Variants in GRM7 observed in about 807,000 individuals in gnomAD.
The protein encoded by GRM7 is metabotropic glutamate receptor 7.
GRM7 carries 35 observed loss-of-function variants against 84.5 expected under a neutral mutation model. The observed-to-expected ratio is 0.41, with a 90% CI of 0.32 to 0.55. The LOEUF (loss-of-function observed/expected upper bound fraction) is 0.55. Ranked by LOEUF, GRM7 falls within the 20% of genes least tolerant of loss-of-function variation. The pLI, the probability that GRM7 is intolerant of heterozygous loss-of-function variation, is 0.19. For missense variants in GRM7, 1,003 were observed against 1,194.6 expected, an observed-to-expected ratio of 0.84 and a Z score of 2.36; for synonymous variants, 487 against 455.1, an observed-to-expected ratio of 1.07 and a Z score of -0.89.
chr3:7,344,303 T>C (rs1692788078), intron 4 of GRM7, among the ~76,000 whole-genome samples: 1 of 152,170 alleles, frequency 6.6e-6, no homozygotes, highest in African/African-American at 2.4e-5. Flanking sequence ...GTCCATGTGT[T>C]CTCATTGTTT....
At chr3:7,642,922 G>A (rs995369313) in intron 8 of GRM7, among the ~76,000 whole-genome samples, 1 of 152,038 alleles carries the variant, frequency 6.6e-6, no homozygotes, top group East Asian at 1.9e-4. Flanking sequence ...TTATCTACAA[G>A]CAGAGAACAC....
chr3:7,648,193 A>G (rs1373268048), intron 8 of GRM7, among the ~76,000 whole-genome samples: 1 of 151,396 alleles, frequency 6.6e-6, no homozygotes, highest in Non-Finnish European at 1.5e-5. Flanking sequence ...AGAAATGAGT[A>G]CCCCTTAACT....
At chr3:7,570,308 G>A (rs969280974) in intron 7 of GRM7, among the ~76,000 whole-genome samples, 12 of 152,046 alleles carry the variant, frequency 7.9e-5, no homozygotes, top group African/African-American at 1.9e-4. Flanking sequence ...ACAGTCCAGC[G>A]TCTCATCTGA....
chr3:7,414,350 T>G (rs1423154600), intron 4 of GRM7, among the ~76,000 whole-genome samples: 1 of 152,182 alleles, frequency 6.6e-6, no homozygotes, highest in African/African-American at 2.4e-5. Context: ...AGGTTAAGTA[T>G]GTACCTGCTC....
At chr3:6,917,817 T>C (rs1348199236) in intron 1 of GRM7, among the ~76,000 whole-genome samples, 1 of 152,178 alleles carries the variant, frequency 6.6e-6, no homozygotes, top group Non-Finnish European at 1.5e-5. Flanking sequence ...TTGAGGCTCA[T>C]ATCTATATTT....
At chr3:6,949,933 T>G (rs185733090) in intron 1 of GRM7, among the ~76,000 whole-genome samples, 125 of 152,332 alleles carry the variant, frequency 8.2e-4, no homozygotes, top group African/African-American at 3.0e-3. Flanking sequence ...TTCTCTGCAT[T>G]GGTTATTCTA....
At chr3:6,952,375 A>C (rs1196121423) in intron 1 of GRM7, among the ~76,000 whole-genome samples, 1 of 152,190 alleles carries the variant, frequency 6.6e-6, no homozygotes, top group Non-Finnish European at 1.5e-5. Context: ...GCATGCATGC[A>C]CCAAACAGCA....
At chr3:7,443,520 G>A (rs903822238) in intron 5 of GRM7, among the ~76,000 whole-genome samples, 3 of 151,240 alleles carry the variant, frequency 2.0e-5, no homozygotes, top group Non-Finnish European at 2.9e-5. Context: ...GTTTCCCTCC[G>A]TTCTTTTACT....
At chr3:7,487,113 T>C (rs1160158876) in intron 7 of GRM7, among the ~76,000 whole-genome samples, 1 of 152,166 alleles carries the variant, frequency 6.6e-6, no homozygotes, top group African/African-American at 2.4e-5. Context: ...GTCCTAGGGC[T>C]TTATGGAAGG....
At chr3:7,199,295 T>C (rs1695985047) in intron 2 of GRM7, among the ~76,000 whole-genome samples, 1 of 152,222 alleles carries the variant, frequency 6.6e-6, no homozygotes, top group Non-Finnish European at 1.5e-5. Flanking sequence ...AAGAGAGATC[T>C]GGATGACCAG....
At chr3:7,688,105 G>A (rs1426364675) in intron 9 of GRM7, among the ~76,000 whole-genome samples, 2 of 152,088 alleles carry the variant, frequency 1.3e-5, no homozygotes, top group African/African-American at 4.8e-5. Flanking sequence ...ATTTTCCTGG[G>A]TAAAAATGAT....
intron 7 of GRM7, among the ~76,000 whole-genome samples, chr3:7,568,937 G>T (rs893966040): frequency 1.3e-5 from 2 of 152,090 alleles, no homozygotes; most frequent in African/African-American, 4.8e-5. Context: ...CTGCTCCACC[G>T]GTGCCCTGTC....
At chr3:6,900,132 G>C (rs533750786) in intron 1 of GRM7, among the ~76,000 whole-genome samples, 21 of 152,324 alleles carry the variant, frequency 1.4e-4, no homozygotes, top group African/African-American at 4.8e-4. Context: ...TATGTTTAGA[G>C]ATGGCAATTT....
At chr3:7,516,679 T>C (rs1403394858) in intron 7 of GRM7, among the ~76,000 whole-genome samples, 1 of 151,892 alleles carries the variant, frequency 6.6e-6, no homozygotes, top group African/African-American at 2.4e-5. Flanking sequence ...TTGAATGGCA[T>C]CAAGCTATCA....
intron 2 of GRM7, among the ~76,000 whole-genome samples, chr3:7,148,125 G>A (rs151005691): frequency 1.2e-3 from 186 of 152,262 alleles, no homozygotes; most frequent in African/African-American, 4.2e-3. Context: ...CCTTGTGGCA[G>A]GCTGTGATTT....
chr3:6,955,578 C>T (rs1373013853), intron 1 of GRM7, among the ~76,000 whole-genome samples: 1 of 151,468 alleles, frequency 6.6e-6, no homozygotes, highest in Non-Finnish European at 1.5e-5. Flanking sequence ...GGCACAGTGA[C>T]TCACGCCTGT....
intron 4 of GRM7, among the ~76,000 whole-genome samples, chr3:7,365,498 A>G (rs191784739): frequency 5.3e-5 from 8 of 151,494 alleles, no homozygotes; most frequent in Non-Finnish European, 7.4e-5. Flanking sequence ...CGTATATCCA[A>G]TCTGATTTTT....
At chr3:7,400,249 G>A (rs997489068) in intron 4 of GRM7, among the ~76,000 whole-genome samples, 1 of 152,250 alleles carries the variant, frequency 6.6e-6, no homozygotes, top group South Asian at 2.1e-4. Flanking sequence ...TCCAAGTGTT[G>A]TAAGGATTAT....
At chr3:6,930,645 A>G (rs950758310) in intron 1 of GRM7, among the ~76,000 whole-genome samples, 1 of 152,120 alleles carries the variant, frequency 6.6e-6, no homozygotes, top group Non-Finnish European at 1.5e-5. Flanking sequence ...AAAAACAAAC[A>G]TTTTTGGCAG....
Sources: gnomAD v4.1 joint callset for allele counts (sites outside exome capture counted in the v4.1 genomes callset) on GRCh38, gnomAD v4.1.1 for gene constraint, MANE v1.5 for transcripts, NCBI Gene and HGNC (gene_info 2026-07-23, HGNC 2026-07-21) for gene names.